Variants in BICRAL observed in about 807,000 individuals in gnomAD.
The protein encoded by BICRAL is BRD4-interacting chromatin-remodeling complex-associated protein-like.
A neutral mutation model predicts 91.8 loss-of-function variants in BICRAL; 8 were observed. That is an observed-to-expected ratio of 0.09 (90% CI 0.05 to 0.16). The LOEUF is 0.16. Ranked by LOEUF, BICRAL falls within the 10% of genes least tolerant of loss-of-function variation. BICRAL has a pLI of 1.00. For synonymous variants in BICRAL, 445 were observed against 491.1 expected, an observed-to-expected ratio of 0.91 and a Z score of 1.24; for missense variants, 1,038 against 1,310.9, an observed-to-expected ratio of 0.79 and a Z score of 3.21.
intron 2 of BICRAL, among the ~76,000 whole-genome samples, chr6:42,817,001 G>A (rs1342479981): frequency 2.1e-5 from 3 of 140,946 alleles, no homozygotes; most frequent in Admixed American, 7.2e-5. Flanking sequence ...GCGACAGAGC[G>A]AGACTCCATC....
intron 10 of BICRAL, among the ~76,000 whole-genome samples, chr6:42,859,362 A>G (rs1336349151): frequency 2.0e-5 from 3 of 151,622 alleles, no homozygotes; most frequent in Non-Finnish European, 4.4e-5. Context: ...ACTGCACTCC[A>G]GCCTGAGCGA....
intron 1 of BICRAL, among the ~76,000 whole-genome samples, chr6:42,756,866 G>A (rs995814266): frequency 3.3e-5 from 5 of 149,360 alleles, no homozygotes; most frequent in African/African-American, 7.5e-5. Flanking sequence ...GCTGTCTCTC[G>A]CTTGGCTCTC....
At chr6:42,836,975 C>A in intron 6 of BICRAL, among the ~76,000 whole-genome samples, 1 of 141,218 alleles carries the variant, frequency 7.1e-6, no homozygotes, top group Non-Finnish European at 1.5e-5. Flanking sequence ...GATGGAGTCT[C>A]ACTCTACCGC....
chr6:42,792,711 G>A (rs1763307025), intron 1 of BICRAL, among the ~76,000 whole-genome samples: 1 of 151,934 alleles, frequency 6.6e-6, no homozygotes, highest in Non-Finnish European at 1.5e-5. Flanking sequence ...TCAGGAATTT[G>A]AGACCAGCCT....
chr6:42,824,987 G>A (rs552162584), intron 5 of BICRAL, among the ~76,000 whole-genome samples: 6 of 152,312 alleles, frequency 3.9e-5, no homozygotes, highest in East Asian at 3.9e-4. Flanking sequence ...GCAGCTGGGC[G>A]CAGTGGCTTA....
At chr6:42,852,047 C>G (rs375255310) in intron 6 of BICRAL, 45 bp from the exon 7 acceptor site, 1 of 1,178,534 alleles carries the variant, frequency 8.5e-7, no homozygotes, top group African/African-American at 1.5e-5. Flanking sequence ...TCTGTTAAAG[C>G]TTTAGAAATG....
intron 2 of BICRAL, among the ~76,000 whole-genome samples, chr6:42,814,519 A>AT (rs70990145): frequency 8.0e-4 from 64 of 80,212 alleles, no homozygotes; most frequent in Middle Eastern, 0.019. Flanking sequence ...ATATATATAT[A>AT]TTTTTTTTTT....
chr6:42,859,897 G>A (rs903616683), intron 10 of BICRAL, among the ~76,000 whole-genome samples: 15 of 151,928 alleles, frequency 9.9e-5, no homozygotes, highest in Non-Finnish European at 1.6e-4. Context: ...CGCCCACCTC[G>A]GCCTCCCAAA....
intron 6 of BICRAL, among the ~76,000 whole-genome samples, chr6:42,838,971 A>G (rs1764713422): frequency 6.6e-6 from 1 of 151,740 alleles, no homozygotes; most frequent in South Asian, 2.1e-4. Context: ...AAAAAAATAA[A>G]TAACGGATTA....
chr6:42,782,977 G>A (rs1762966868), intron 1 of BICRAL, among the ~76,000 whole-genome samples: 1 of 151,908 alleles, frequency 6.6e-6, no homozygotes, highest in African/African-American at 2.4e-5. Context: ...CGTCTGGGGA[G>A]GGGGAGGGGA....
chr6:42,765,219 C>A (rs1238216573), intron 1 of BICRAL, among the ~76,000 whole-genome samples: 1 of 152,104 alleles, frequency 6.6e-6, no homozygotes, highest in Non-Finnish European at 1.5e-5. Context: ...GTAACTATTA[C>A]AAAGTTGCAT....
Position 42,866,418 on chromosome 6 carries a change from C to T in BICRAL, c.*972C>T. 1 of 172,618 alleles carries T rather than the reference C, an allele frequency of 5.8e-6. No homozygotes were observed. The highest frequency in any genetic ancestry group is 1.3e-5 in the Non-Finnish European group (1 of 79,542). 10.7% of individuals were successfully genotyped at this position (172,618 alleles called of 1,614,324 possible). ...ATATAATGTATGTTTTTGTTTGTTG[C>T]TGGATTTTGTTTCATTTAACCTCTC... On this transcript the variant is annotated 3_prime_UTR_variant, in exon 13 of 13. Transcript: ENST00000314073.
intron 10 of BICRAL, among the ~76,000 whole-genome samples, chr6:42,858,204 C>T (rs66541797): frequency 0.22 from 33,232 of 151,474 alleles, 3,828 homozygotes; most frequent in Non-Finnish European, 0.26. Context: ...GGCCACACAT[C>T]AAGAAACTGA....
intron 8 of BICRAL, among the ~76,000 whole-genome samples, chr6:42,854,422 C>T (rs1765283663): frequency 6.6e-6 from 1 of 152,024 alleles, no homozygotes; most frequent in Admixed American, 6.6e-5. Context: ...GGGCCCAAGC[C>T]ATCCACCCAC....
intron 5 of BICRAL, among the ~76,000 whole-genome samples, chr6:42,828,056 G>C (rs984045274): frequency 5.3e-5 from 8 of 152,124 alleles, no homozygotes; most frequent in African/African-American, 1.9e-4. Flanking sequence ...TAAAATATCA[G>C]AATAAGGTGA....
rs75502591 is a variant in BICRAL, at chr6:42,797,447, A to G, written c.-101-12859A>G. Among the ~76,000 whole-genome samples, 3 of 152,234 alleles carry G rather than the reference A, an allele frequency of 2.0e-5. No homozygotes were observed. In the Middle Eastern group the frequency reaches 0.01, roughly 518 times the overall value. ...ATTTGACTTAAAAAGGAAAAAAAAA[A>G]GTTATAGTCAATAACAGCTTTGGAA... is the stretch of plus-strand genomic sequence containing the variant. On this transcript the variant is annotated intron_variant, in intron 1 of 12. Transcript: ENST00000314073.
intron 5 of BICRAL, among the ~76,000 whole-genome samples, chr6:42,823,584 T>TC (rs967281703): frequency 1.1e-4 from 16 of 151,934 alleles, no homozygotes; most frequent in African/African-American, 3.9e-4. Context: ...GCTCAGGAGT[T>TC]CAAGACCAGC....
At chr6:42,855,251 A>G (rs1412851128) in intron 8 of BICRAL, among the ~76,000 whole-genome samples, 1 of 152,220 alleles carries the variant, frequency 6.6e-6, no homozygotes, top group East Asian at 1.9e-4. Context: ...TTTCAAAAAT[A>G]TAACGATGGG....
intron 6 of BICRAL, among the ~76,000 whole-genome samples, chr6:42,842,456 G>A (rs759365219): frequency 6.6e-6 from 1 of 152,074 alleles, no homozygotes; most frequent in Non-Finnish European, 1.5e-5. Context: ...ACAAATCTCC[G>A]ACCTGGCAGT....
Sources: allele counts gnomAD v4.1 joint callset (sites outside exome capture counted in the v4.1 genomes callset), GRCh38; gene constraint gnomAD v4.1.1; transcripts MANE v1.5; gene names NCBI Gene and HGNC (gene_info 2026-07-23, HGNC 2026-07-21).